PEPD: variants seen among roughly 807,000 people sequenced by gnomAD.
The protein encoded by PEPD is xaa-Pro dipeptidase.
Under a neutral mutation model 60.7 loss-of-function variants are expected in PEPD, and 53 were observed. The ratio of observed to expected loss-of-function variants is 0.87; its 90% confidence interval spans 0.70 to 1.10. The LOEUF (loss-of-function observed/expected upper bound fraction) is 1.10. PEPD is among the 50% of genes least tolerant of loss of function. The pLI is 0.00. For missense variants in PEPD, 711 were observed against 711.9 expected (o/e 1.00, Z 0.01); for synonymous variants, 267 against 284.1 (o/e 0.94, Z 0.60).
At chr19:33,457,546 G>A (rs2145261262) in intron 9 of PEPD, among the ~76,000 whole-genome samples, 1 of 152,314 alleles carries the variant, frequency 6.6e-6, no homozygotes, top group South Asian at 2.1e-4. Context: ...TTTTGAGATG[G>A]AGTCTCGCTC....
chr19:33,403,311 C>A (rs915925961), intron 11 of PEPD, among the ~76,000 whole-genome samples: 10 of 152,174 alleles, frequency 6.6e-5, no homozygotes, highest in African/African-American at 2.4e-4. Context: ...AGCCCTAGGA[C>A]CAGAGCCCAC....
intron 9 of PEPD, among the ~76,000 whole-genome samples, chr19:33,455,163 T>TA (rs1475270489): frequency 6.6e-6 from 1 of 152,174 alleles, no homozygotes; most frequent in East Asian, 1.9e-4. Flanking sequence ...GGACTTAAGA[T>TA]AATAATTAAG....
At chr19:33,467,742 CATG>C (rs1011457510) in intron 7 of PEPD, among the ~76,000 whole-genome samples, 1 of 152,164 alleles carries the variant, frequency 6.6e-6, no homozygotes, top group African/African-American at 2.4e-5. Context: ...TCGCTGGTTT[CATG>C]ATAACCTAGC....
chr19:33,499,608 C>T (rs1487758567), intron 4 of PEPD, among the ~76,000 whole-genome samples: 1 of 152,220 alleles, frequency 6.6e-6, no homozygotes, highest in African/African-American at 2.4e-5. Context: ...AGAACACAGT[C>T]AGCGTCCATG....
intron 7 of PEPD, among the ~76,000 whole-genome samples, chr19:33,470,409 C>G (rs954719208): frequency 2.0e-5 from 3 of 152,034 alleles, no homozygotes; most frequent in African/African-American, 7.2e-5. Context: ...ATGTGCTCTC[C>G]CAGCCTCCTC....
chr19:33,496,845 A>G (rs988432078), intron 4 of PEPD, among the ~76,000 whole-genome samples: 1 of 152,212 alleles, frequency 6.6e-6, no homozygotes, highest in African/African-American at 2.4e-5. Flanking sequence ...GAGGCTTCCC[A>G]CGGACACCTC....
intron 4 of PEPD, among the ~76,000 whole-genome samples, chr19:33,499,183 C>T (rs2145332799): frequency 6.6e-6 from 1 of 152,266 alleles, no homozygotes; most frequent in South Asian, 2.1e-4. Flanking sequence ...TATGATAGGT[C>T]ACATGTGTAT....
chr19:33,389,161 G>A (rs1032450540), intron 13 of PEPD: 8 of 152,314 alleles, frequency 5.3e-5, no homozygotes, highest in Non-Finnish European at 4.4e-5. Flanking sequence ...CGCTGGGCAC[G>A]GCCAGAGAGG....
At chr19:33,403,932 C>A (rs962774734) in intron 11 of PEPD, among the ~76,000 whole-genome samples, 6 of 152,326 alleles carry the variant, frequency 3.9e-5, no homozygotes, top group African/African-American at 1.4e-4. Context: ...CAACAACTGC[C>A]TGGAAGTCTA....
chr19:33,510,953 C>G, intron 3 of PEPD, 75 bp downstream of exon 3: 1 of 1,507,304 alleles, frequency 6.6e-7, no homozygotes, highest in Non-Finnish European at 9.0e-7. Flanking sequence ...CAACCCAGCT[C>G]TCTCATCCCA....
At chr19:33,456,153 G>A (rs745378620) in intron 9 of PEPD, among the ~76,000 whole-genome samples, 1 of 152,130 alleles carries the variant, frequency 6.6e-6, no homozygotes, top group Non-Finnish European at 1.5e-5. Flanking sequence ...TGACCCCGCT[G>A]AGAGCCCCAG....
chr19:33,426,072 G>A (rs1318842818), intron 9 of PEPD, among the ~76,000 whole-genome samples: 2 of 152,060 alleles, frequency 1.3e-5, no homozygotes, highest in Non-Finnish European at 2.9e-5. Context: ...CTCCCACCTC[G>A]GCCTCCCAAA....
intron 3 of PEPD, among the ~76,000 whole-genome samples, chr19:33,509,641 G>A (rs908298855): frequency 6.6e-6 from 1 of 152,220 alleles, no homozygotes. Context: ...AGCCTCTGCA[G>A]CCCACCTGGT....
At chr19:33,465,014 C>T (rs1392911429) in intron 7 of PEPD, among the ~76,000 whole-genome samples, 1 of 152,170 alleles carries the variant, frequency 6.6e-6, no homozygotes, top group Non-Finnish European at 1.5e-5. Context: ...GCGGTGTGGC[C>T]AAGATCCCTA....
chr19:33,425,194 AC>A (rs1295161883), intron 9 of PEPD, among the ~76,000 whole-genome samples: 1 of 152,154 alleles, frequency 6.6e-6, no homozygotes, highest in Non-Finnish European at 1.5e-5. Flanking sequence ...ACATAGTGAA[AC>A]CCTGTCTCTA....
chr19:33,480,840 G>GTGTGTATA (rs151181225), intron 6 of PEPD, among the ~76,000 whole-genome samples: 18,839 of 150,896 alleles, frequency 0.12, 1,256 homozygotes, highest in Admixed American at 0.21. Context: ...GTGTGTGTGT[G>GTGTGTATA]TATATCAAAA....
rs1191657658 is a variant in PEPD, at chr19:33,456,959, G to A, written c.671+6036C>T. 3.3e-5 allele frequency among the ~76,000 whole-genome samples: 5 copies of A among 151,492 alleles called. No homozygotes were observed. In the East Asian group the frequency reaches 9.7e-4, roughly 29 times the overall value. ...CTCTCCAGTGAAACCTGCGTCCTCT[G>A]CATGCCCTGTGAGGGGCCCCAGCCC... is the stretch of plus-strand genomic sequence containing the variant. On this transcript the variant is annotated intron_variant, in intron 9 of 14. Transcript: ENST00000244137.
chr19:33,470,770 T>G (rs547031503), intron 7 of PEPD, among the ~76,000 whole-genome samples: 2 of 152,144 alleles, frequency 1.3e-5, no homozygotes, highest in East Asian at 3.9e-4. Context: ...AAAGGAGGCC[T>G]CTCCACCCAA....
In PEPD at chr19:33,455,507, C is replaced by CT. The variant is rs1164516631; in HGVS notation, c.671+7487dup. Among the ~76,000 whole-genome samples, 562 of 143,632 alleles carry CT rather than the reference C, an allele frequency of 3.9e-3. 2 individuals carry two copies. The highest frequency in any genetic ancestry group is 0.012 in the African/African-American group (478 of 39,104). 94.2% of individuals were successfully genotyped at this position (143,632 alleles called of 152,430 possible). A position where few individuals can be genotyped will look rare whatever the true frequency, so the allele number is the denominator to read the frequency against. On this transcript the variant is annotated intron_variant, in intron 9 of 14. Coordinates refer to ENST00000244137, the MANE Select transcript of PEPD (RefSeq NM_000285.4). The stretch of plus-strand genomic sequence containing the variant: ...CATCAGGTTTTTGGCTTTTTTTTCT[C>CT]TTTTTTTTTTTAAGAGATGGAGTCT...
Sources: gnomAD v4.1 joint callset for allele counts (sites outside exome capture counted in the v4.1 genomes callset) on GRCh38, gnomAD v4.1.1 for gene constraint, MANE v1.5 for transcripts, NCBI Gene and HGNC (gene_info 2026-07-23, HGNC 2026-07-21) for gene names.